The following SIL1 variants were observed in gnomAD, a reference collection of about 807,000 sequenced individuals.
SIL1 encodes SIL1 nucleotide exchange factor.
Under a neutral mutation model 49.1 loss-of-function variants are expected in SIL1, and 40 were observed. The observed-to-expected ratio is 0.81, with a 90% confidence interval of 0.63 to 1.06. The LOEUF is 1.06. Ranked by LOEUF, SIL1 falls within the 50% of genes least tolerant of loss-of-function variation. SIL1 has a pLI of 0.00. For synonymous variants in SIL1, 253 were observed against 250.8 expected (o/e 1.01, Z -0.08); for missense variants, 500 against 572.6 (o/e 0.87, Z 1.29).
chr5:138,977,500 A>C (rs1767419997), intron 7 of SIL1, among the ~76,000 whole-genome samples: 1 of 151,646 alleles, frequency 6.6e-6, no homozygotes, highest in Non-Finnish European at 1.5e-5. Flanking sequence ...TTTTGACACT[A>C]GGTCTTGCTC....
At chr5:139,053,924 A>G (rs1243972347) in intron 3 of SIL1, among the ~76,000 whole-genome samples, 2 of 152,228 alleles carry the variant, frequency 1.3e-5, no homozygotes, top group Non-Finnish European at 2.9e-5. Flanking sequence ...GTGAATATAA[A>G]TGCTCACCAT....
chr5:139,142,382 A>T (rs894028814), intron 1 of SIL1, among the ~76,000 whole-genome samples: 1 of 152,216 alleles, frequency 6.6e-6, no homozygotes, highest in Non-Finnish European at 1.5e-5. Context: ...CATGCAAAAA[A>T]TCCTGAACAA....
At chr5:139,167,874 G>T (rs753161876) in intron 1 of SIL1, among the ~76,000 whole-genome samples, 1 of 152,020 alleles carries the variant, frequency 6.6e-6, no homozygotes, top group Non-Finnish European at 1.5e-5. Context: ...ATAGGTTGGG[G>T]TCTCCTTCTG....
At chr5:139,179,094 A>T (rs1458566452) in intron 1 of SIL1, among the ~76,000 whole-genome samples, 1 of 152,242 alleles carries the variant, frequency 6.6e-6, no homozygotes, top group East Asian at 1.9e-4. Context: ...CTACAGCCAG[A>T]AACAGTCTAA....
chr5:139,170,387 T>C (rs1751727157), intron 1 of SIL1, among the ~76,000 whole-genome samples: 2 of 145,126 alleles, frequency 1.4e-5, no homozygotes, highest in African/African-American at 2.6e-5. Context: ...GTGAGGAGCG[T>C]CTCTGCCCGG....
intron 7 of SIL1, among the ~76,000 whole-genome samples, chr5:139,017,975 G>A (rs994563672): frequency 1.3e-5 from 2 of 152,304 alleles, no homozygotes; most frequent in South Asian, 4.1e-4. Flanking sequence ...AGACGAAGCT[G>A]CTAAAAGCAT....
chr5:139,024,372 A>G (rs1165334105), intron 6 of SIL1, among the ~76,000 whole-genome samples: 1 of 152,148 alleles, frequency 6.6e-6, no homozygotes, highest in Non-Finnish European at 1.5e-5. Flanking sequence ...CTCTAAGAGG[A>G]TCAGAGTCCT....
intron 1 of SIL1, among the ~76,000 whole-genome samples, chr5:139,165,895 C>A (rs1248033139): frequency 6.6e-6 from 1 of 151,026 alleles, no homozygotes; most frequent in African/African-American, 2.4e-5. Flanking sequence ...GATCTCCTGA[C>A]CTCAAGATCC....
chr5:139,160,125 C>A (rs1751480574), intron 1 of SIL1, among the ~76,000 whole-genome samples: 1 of 143,386 alleles, frequency 7.0e-6, no homozygotes, highest in Non-Finnish European at 1.5e-5. Context: ...TTTACCCATC[C>A]CAATCACATT....
chr5:139,123,385 A>G (rs1253799181), intron 2 of SIL1, among the ~76,000 whole-genome samples: 7 of 152,158 alleles, frequency 4.6e-5, no homozygotes, highest in Admixed American at 1.3e-4. Context: ...CATCACCCCC[A>G]TGCCTAGCAC....
At chr5:139,090,418 G>C (rs146029790) in intron 3 of SIL1, among the ~76,000 whole-genome samples, 2 of 152,060 alleles carry the variant, frequency 1.3e-5, no homozygotes, top group African/African-American at 4.8e-5. Context: ...CACACAAACA[G>C]GAGCGCACAG....
chr5:139,058,326 G>A (rs1347055810), intron 3 of SIL1, among the ~76,000 whole-genome samples: 1 of 151,488 alleles, frequency 6.6e-6, no homozygotes, highest in African/African-American at 2.4e-5. Flanking sequence ...ACAACACTGT[G>A]GGTAAACTAA....
At chr5:139,062,197 A>G (rs1769605669) in intron 3 of SIL1, among the ~76,000 whole-genome samples, 1 of 152,214 alleles carries the variant, frequency 6.6e-6, no homozygotes, top group African/African-American at 2.4e-5. Context: ...ACCCTGAAAC[A>G]ACACTTAATG....
intron 2 of SIL1, among the ~76,000 whole-genome samples, chr5:139,126,385 T>G (rs1366803620): frequency 6.6e-6 from 1 of 152,220 alleles, no homozygotes; most frequent in African/African-American, 2.4e-5. Context: ...ACTCGGTCCT[T>G]AAGTAAATTC....
rs911919867 is a variant in SIL1, at chr5:139,080,208, C to T, written c.245-29162G>A. Among the ~76,000 whole-genome samples the T allele has an allele frequency of 1.3e-4, 20 of 152,292 alleles. 1 individual carries two copies. Among genetic ancestry groups the T allele is most frequent in the Admixed American group, 1.0e-3 (16 of 15,298 alleles). On this transcript the variant is annotated intron_variant, in intron 3 of 9. Coordinates refer to ENST00000394817, the MANE Select transcript of SIL1 (RefSeq NM_022464.5). Reference sequence around the variant, plus strand: ...GACACACTAATGAAAACAGTTAAATCATTAGGTTTTTTAATTAAGAAGTCA... The same window carrying T: ...GACACACTAATGAAAACAGTTAAATTATTAGGTTTTTTAATTAAGAAGTCA...
At chr5:139,079,363 G>C (rs888640077) in intron 3 of SIL1, among the ~76,000 whole-genome samples, 3 of 152,160 alleles carry the variant, frequency 2.0e-5, no homozygotes, top group Non-Finnish European at 4.4e-5. Context: ...GGACACCAGG[G>C]GCCCATTAGC....
Position 138,967,652 on chromosome 5 carries a change from G to A in SIL1, c.768-15768C>T, listed in dbSNP as rs575710171. Among the ~76,000 whole-genome samples, 24 of 152,286 alleles carry A rather than the reference G, an allele frequency of 1.6e-4. No homozygotes were observed. In the South Asian group the frequency reaches 3.1e-3, roughly 20 times the overall value. ...GGGAGATGAGAAGCATAAAAGGGAC[G>A]TTAGATGTTCAAAGAACCAAATGTC... On this transcript the variant is annotated intron_variant, in intron 7 of 9. Coordinates refer to ENST00000394817, the MANE Select transcript of SIL1 (RefSeq NM_022464.5).
intron 3 of SIL1, among the ~76,000 whole-genome samples, chr5:139,105,153 C>A (rs1400100720): frequency 6.6e-6 from 1 of 152,042 alleles, no homozygotes; most frequent in African/African-American, 2.4e-5. Context: ...TCTCCTTTTT[C>A]TAAGCAGCAT....
chr5:139,055,881 C>G (rs1769404789), intron 3 of SIL1, among the ~76,000 whole-genome samples: 1 of 151,922 alleles, frequency 6.6e-6, no homozygotes, highest in Non-Finnish European at 1.5e-5. Context: ...CTGTGTTGGC[C>G]GGGCCAGTCT....
Sources: gnomAD v4.1 joint callset for allele counts (sites outside exome capture counted in the v4.1 genomes callset) on GRCh38, gnomAD v4.1.1 for gene constraint, MANE v1.5 for transcripts, NCBI Gene and HGNC (gene_info 2026-07-23, HGNC 2026-07-21) for gene names.